The following SZT2 variants were observed in gnomAD, a reference collection of about 807,000 sequenced individuals.
SZT2 encodes the protein SZT2 subunit of KICSTOR complex, also known as KICSTOR complex protein SZT2.
A neutral mutation model predicts 404.2 loss-of-function variants in SZT2; 216 were observed. The ratio of observed to expected loss-of-function variants is 0.53; its 90% confidence interval spans 0.48 to 0.60. The LOEUF (loss-of-function observed/expected upper bound fraction) is 0.60, where lower values mean the gene tolerates loss of function less well. Ranked by LOEUF, SZT2 falls within the 20% of genes least tolerant of loss-of-function variation. The pLI is 0.00. For missense variants in SZT2, 3,857 were observed against 4,459.2 expected (o/e 0.86, Z 3.85); for synonymous variants, 1,693 against 1,749.9 (o/e 0.97, Z 0.81).
chr1:43,398,836 C>T (rs746769034), intron 1 of SZT2, among the ~76,000 whole-genome samples: 1 of 152,270 alleles, frequency 6.6e-6, no homozygotes, highest in Non-Finnish European at 1.5e-5. Flanking sequence ...AATCCCAGCA[C>T]TTTGGGAGGT....
Position 43,423,170 on chromosome 1 carries a change from G to A in SZT2, c.2109G>A (p.Thr703=), listed in dbSNP as rs192978084. ...ACCGGGTACAAAGCAAGGAGCCAAC[G>A]CCCAAGGTGAAACGAAAAGGGCTAG... ...FPHRVQSKEP[T]PKVKRKGLGG... Residue 703 remains threonine (T), a synonymous_variant, in exon 15 of 72, where the codon ACG becomes ACA. Transcript: ENST00000634258. The A allele has an allele frequency of 3.4e-5, 55 of 1,597,402 alleles. No homozygotes were observed. Among genetic ancestry groups the A allele is most frequent in the Admixed American group, 1.2e-4 (7 of 59,842 alleles).
At chr1:43,419,596 C>G (rs1652098683) in intron 7 of SZT2, 138 bp from the exon 8 acceptor site, 1 of 694,244 alleles carries the variant, frequency 1.4e-6, no homozygotes, top group East Asian at 2.7e-5. Context: ...GTGGTCTGTC[C>G]TGGGAAAACA....
intron 4 of SZT2, among the ~76,000 whole-genome samples, chr1:43,409,196 A>T (rs1379937903): frequency 6.6e-6 from 1 of 152,242 alleles, no homozygotes; most frequent in Non-Finnish European, 1.5e-5. Flanking sequence ...AAAGACACAG[A>T]TGTAAACCTT....
In SZT2 at chr1:43,427,612, A is replaced by C; in HGVS notation, c.3681A>C (p.Thr1227=). 2 of 1,614,216 alleles carry C rather than the reference A, an allele frequency of 1.2e-6. No homozygotes were observed. Among genetic ancestry groups the C allele is most frequent in the Non-Finnish European group, 1.7e-6 (2 of 1,180,026 alleles). The change falls in exon 26 of 72, where the codon ACA becomes ACC. Residue 1227 remains threonine, a synonymous_variant. Transcript: ENST00000634258. ...ACGCTGGGCGTCAGGCTTCCCAGAC[A>C]GAGAGTGCGGATGGGCCCCGGACCC... ...QAYAGRQASQ[T]ESADGPRTRC...
In SZT2 at chr1:43,448,675, T is replaced by G; in HGVS notation, c.10033T>G (p.Phe3345Val). The G allele has an allele frequency of 6.2e-7, 1 of 1,614,150 alleles. No homozygotes were observed. Among genetic ancestry groups the G allele is most frequent in the South Asian group, 1.1e-5 (1 of 91,080 alleles). ...QSLIKVLLSR[F>V]PQSCRHFQSP... ...CCTGATCAAAGTTCTCCTAAGCCGC[T>G]TCCCCCAGAGCTGTCGCCATTTCCA... The change falls in exon 70 of 72, where the codon TTC (phenylalanine) becomes GTC (valine). Residue 3345 changes from phenylalanine (F) to valine (V), a missense_variant. Physicochemically the swap from Phe to Val is conservative, Grantham distance 50. Transcript: ENST00000634258. The surrounding 1 kb of genome is among the most constrained non-coding windows in gnomAD (Gnocchi z 4.2).
chr1:43,401,411 G>T (rs1649667920), intron 1 of SZT2, among the ~76,000 whole-genome samples: 1 of 152,172 alleles, frequency 6.6e-6, no homozygotes, highest in Non-Finnish European at 1.5e-5. Flanking sequence ...GATGAATTGG[G>T]ATTCAAACCC....
rs1439428293 is a variant in SZT2 at position 43,450,896 on chromosome 1, T to C, written c.*416T>C. 1.4e-6 allele frequency: 1 copy of C among 737,372 alleles called. No individual in the cohort carries two copies. The highest frequency in any genetic ancestry group is 1.4e-5 in the South Asian group (1 of 73,542). The allele number at this position is 737,372 out of a possible 1,614,324, so 45.7% of individuals were successfully genotyped here. A position where few individuals can be genotyped will look rare whatever the true frequency, so the allele number is the denominator to read the frequency against. Reference sequence around the variant, plus strand: ...GAGCCTTCGGGTCTTCACTTCCCACTTGGACATCACTGCTGGACATTCCCA... The same window carrying C: ...GAGCCTTCGGGTCTTCACTTCCCACCTGGACATCACTGCTGGACATTCCCA... On this transcript the variant is annotated 3_prime_UTR_variant, in exon 72 of 72. Transcript: ENST00000634258. This position sits in a 1 kb window ranked among gnomAD's most constrained non-coding sequence, Gnocchi z 4.3.
In SZT2 at chr1:43,441,738, T is replaced by C; in HGVS notation, c.7662T>C (p.Leu2554=). Reference sequence around the variant, plus strand: ...CCCACATGGTGTCCCGGTTCCTCCTTCCATCCATCCTGTCTGAGTTCACCG... The same window carrying C: ...CCCACATGGTGTCCCGGTTCCTCCTCCCATCCATCCTGTCTGAGTTCACCG... The part of the protein sequence containing the change: ...SSAHMVSRFL[L]PSILSEFTAL... The change falls in exon 55 of 72, where the codon CTT becomes CTC. Residue 2554 remains leucine, a synonymous_variant. Coordinates refer to ENST00000634258, the MANE Select transcript of SZT2 (RefSeq NM_001365999.1). This position sits in a 1 kb window ranked among gnomAD's most constrained non-coding sequence, Gnocchi z 4.8. The C allele has an allele frequency of 6.2e-7, 1 of 1,614,162 alleles. No homozygotes were observed. Among genetic ancestry groups the C allele is most frequent in the South Asian group, 1.1e-5 (1 of 91,090 alleles).
In SZT2 at chr1:43,429,486, T is replaced by C. The variant is rs970169971; in HGVS notation, c.4167-217T>C. 1.8e-5 allele frequency: 10 copies of C among 552,548 alleles called. No homozygotes were observed. The African/African-American group carries it at 1.9e-4, about 10-fold the overall frequency. 34.2% of individuals were successfully genotyped at this position (552,548 alleles called of 1,614,324 possible). ...ACCTCAGCAACAGAGTAAGACTCTG[T>C]CCCAAAAAAAAGGAAAGAAAAAAGA... On this transcript the variant is annotated intron_variant, in intron 28 of 71. Coordinates refer to ENST00000634258, the MANE Select transcript of SZT2 (RefSeq NM_001365999.1).
rs991547038 is a variant in SZT2 at position 43,442,490 on chromosome 1, G to A, written c.8023G>A (p.Gly2675Ser). 2.9e-5 allele frequency: 47 copies of A among 1,614,018 alleles called. No homozygotes were observed. The highest frequency in any genetic ancestry group is 3.9e-5 in the Non-Finnish European group (46 of 1,180,012). The change falls in exon 58 of 72, where the codon GGC becomes AGC. Residue 2675 changes from glycine (G) to serine (S), a missense_variant. By Grantham distance (56) the Gly-to-Ser change is moderately conservative (BLOSUM62 0). Coordinates refer to ENST00000634258, the MANE Select transcript of SZT2 (RefSeq NM_001365999.1). The surrounding 1 kb of genome is among the most constrained non-coding windows in gnomAD (Gnocchi z 4.5). ...NWAPDLGAAL[G>S]RALVRLVQWQ... Reference sequence around the variant, plus strand: ...GGCTCCAGACCTGGGGGCAGCATTGGGCCGAGCGCTGGTTCGCCTGGTGCA... The same window carrying A: ...GGCTCCAGACCTGGGGGCAGCATTGAGCCGAGCGCTGGTTCGCCTGGTGCA...
chr1:43,419,897 A>T lies in SZT2; in HGVS notation c.1043A>T (p.Tyr348Phe). The T allele has an allele frequency of 6.3e-7, 1 of 1,598,298 alleles. No homozygotes were observed. Among genetic ancestry groups the T allele is most frequent in the Non-Finnish European group, 8.5e-7 (1 of 1,179,742 alleles). ...LTVYHRAFLL[Y>F]SFLRSGEALN... ...GTCTACCACCGGGCATTTCTCCTCTATTCCTTCCTGCGCAGTGGGGAAGCA... is the reference window on the plus strand; with the variant it reads ...GTCTACCACCGGGCATTTCTCCTCTTTTCCTTCCTGCGCAGTGGGGAAGCA... The change falls in exon 8 of 72, where the codon TAT becomes TTT. Residue 348 changes from tyrosine to phenylalanine, a missense_variant. Transcript: ENST00000634258.
intron 70 of SZT2, 103 bp from the exon 71 acceptor site, chr1:43,450,000 G>A: frequency 7.3e-7 from 1 of 1,376,272 alleles, no homozygotes; most frequent in Non-Finnish European, 1.0e-6. Context: ...GGCGGGGTGA[G>A]GTGTGGAGAT....
In SZT2 at chr1:43,451,327, G is replaced by C; in HGVS notation, c.*847G>C. On this transcript the variant is annotated 3_prime_UTR_variant, in exon 72 of 72. Coordinates refer to ENST00000634258, the MANE Select transcript of SZT2 (RefSeq NM_001365999.1). ...ACTGTGTCTCCTGCAGGGAGAGGGA[G>C]GCCTCGGCACCTCAGCCCACAAGGA... 6.2e-7 allele frequency: 1 copy of C among 1,613,410 alleles called. No individual in the cohort carries two copies. The highest frequency in any genetic ancestry group is 8.5e-7 in the Non-Finnish European group (1 of 1,180,024).
chr1:43,432,128 C>A, intron 36 of SZT2, 144 bp from the exon 37 acceptor site: 1 of 1,111,400 alleles, frequency 9.0e-7, no homozygotes, highest in Non-Finnish European at 1.3e-6. Context: ...TTAGGCAAGT[C>A]ACTGAATCTT....
chr1:43,448,185 G>C lies in SZT2; in HGVS notation c.9670G>C (p.Ala3224Pro), dbSNP rs781351482. ...KPPRLPPEPE[A>P]PGSSAGSPGE... ...ACCCAGACTGCCCCCTGAGCCAGAGGCTCCTGGGAGTTCAGCTGGCAGCCC... is the reference window on the plus strand; with the variant it reads ...ACCCAGACTGCCCCCTGAGCCAGAGCCTCCTGGGAGTTCAGCTGGCAGCCC... Residue 3224 changes from alanine to proline, a missense_variant, in exon 69 of 72, where the codon GCT (alanine) becomes CCT (proline). This residue lies in a region of SZT2 where 717 missense variants were observed against 868.2 expected (regional missense o/e 0.83). Coordinates refer to ENST00000634258, the MANE Select transcript of SZT2 (RefSeq NM_001365999.1). This position sits in a 1 kb window ranked among gnomAD's most constrained non-coding sequence, Gnocchi z 4.2. 5.0e-6 allele frequency: 8 copies of C among 1,611,816 alleles called. No individual in the cohort carries two copies. The highest frequency in any genetic ancestry group is 1.7e-5 in the Admixed American group (1 of 59,904).
chr1:43,448,060 G>T lies in SZT2; in HGVS notation c.9564-19G>T, dbSNP rs773046327. 4.4e-6 allele frequency: 7 copies of T among 1,601,910 alleles called. No individual in the cohort carries two copies. Among genetic ancestry groups the T allele is most frequent in the Non-Finnish European group, 6.0e-6 (7 of 1,171,676 alleles). Reference sequence around the variant, plus strand: ...CTCTTGCTACAACCACCACTCTCCTGCCCTGCTCCCCACCCCAGGCTACAG... The same window carrying T: ...CTCTTGCTACAACCACCACTCTCCTTCCCTGCTCCCCACCCCAGGCTACAG... On this transcript the variant is annotated intron_variant, in intron 68 of 71. Coordinates refer to ENST00000634258, the MANE Select transcript of SZT2 (RefSeq NM_001365999.1). The surrounding 1 kb of genome is among the most constrained non-coding windows in gnomAD (Gnocchi z 4.2).
rs1655771941 is a variant in SZT2, at chr1:43,447,140, CCA to C, written c.9260_9261del (p.His3087LeufsTer29). 1.2e-6 allele frequency: 2 copies of C among 1,613,120 alleles called. No individual in the cohort carries two copies. Among genetic ancestry groups the C allele is most frequent in the African/African-American group, 2.7e-5 (2 of 74,930 alleles). Reference sequence around the variant, plus strand: ...TCCTGGCCCACCACCCTGACGGACCCCACTTTGGCCGCAATCACATTTACCAA... The same window carrying C: ...TCCTGGCCCACCACCCTGACGGACCCCTTTGGCCGCAATCACATTTACCAA... ...HFLAHHPDGP[H>X]FGRNHIYQGT... is the part of the protein sequence containing the mutation. On this transcript the variant is annotated frameshift_variant, in exon 66 of 72. Coordinates refer to ENST00000634258, the MANE Select transcript of SZT2 (RefSeq NM_001365999.1). LOFTEE classifies it high-confidence loss of function.
chr1:43,394,149 A>G (rs1648718004), intron 1 of SZT2: 1 of 903,282 alleles, frequency 1.1e-6, no homozygotes, highest in Non-Finnish European at 1.3e-6. Context: ...TCAAATGTTA[A>G]TGTGGAAGAA....
Position 43,421,183 on chromosome 1 carries a change from G to A in SZT2, c.1506G>A (p.Gln502=). The A allele has an allele frequency of 6.3e-7, 1 of 1,598,406 alleles. No homozygotes were observed. Among genetic ancestry groups the A allele is most frequent in the Non-Finnish European group, 8.5e-7 (1 of 1,179,768 alleles). ...RFWNTLQSIN[Q]TDQMLAHLQS... Reference sequence around the variant, plus strand: ...GGCCCTTATTCTACAGCATCAACCAGACAGACCAGATGCTTGCCCACCTTC... The same window carrying A: ...GGCCCTTATTCTACAGCATCAACCAAACAGACCAGATGCTTGCCCACCTTC... Residue 502 remains glutamine (Q), a synonymous_variant, in exon 11 of 72, where the codon CAG becomes CAA. Transcript: ENST00000634258.
Sources: gnomAD v4.1 joint callset for allele counts (sites outside exome capture counted in the v4.1 genomes callset) on GRCh38, gnomAD v4.1.1 for gene constraint, gnomAD v4.1.1 regional missense constraint, Gnocchi (gnomAD v3.1) non-coding constraint, MANE v1.5 for transcripts, NCBI Gene and HGNC (gene_info 2026-07-23, HGNC 2026-07-21) for gene names.